Variants in KNDC1 observed in about 807,000 individuals in gnomAD.
The protein encoded by KNDC1 is kinase non-catalytic C-lobe domain containing 1.
In KNDC1, 106 loss-of-function variants were observed where a neutral mutation model predicts 172.8. That is an observed-to-expected ratio of 0.61 (90% CI 0.52 to 0.72). The LOEUF (loss-of-function observed/expected upper bound fraction) is 0.72, where lower values mean the gene tolerates loss of function less well. Ranked by LOEUF, KNDC1 falls within the 30% of genes least tolerant of loss-of-function variation. KNDC1 has a pLI of 0.00. For synonymous variants in KNDC1, 1,083 were observed against 1,062.2 expected, an observed-to-expected ratio of 1.02 and a Z score of -0.38; for missense variants, 2,325 against 2,394.5, an observed-to-expected ratio of 0.97 and a Z score of 0.61.
chr10:133,207,169 C>T lies in KNDC1; in HGVS notation c.3612C>T (p.Pro1204=). The change falls in exon 20 of 30, where the codon CCC becomes CCT. Residue 1204 remains proline (P), a synonymous_variant. Transcript: ENST00000304613. ...ACGCGGAACGCTGGGGCCTGGAGCC[C>T]TGCACCCTCCCAGTGATCGTGAACA... The part of the protein sequence containing the change: ...VMYAERWGLE[P]CTLPVIVNIA... 1 of 1,605,476 alleles carries T rather than the reference C, an allele frequency of 6.2e-7. No homozygotes were observed. Among genetic ancestry groups the T allele is most frequent in the Non-Finnish European group, 8.5e-7 (1 of 1,177,128 alleles).
Position 133,218,830 on chromosome 10 carries a change from G to C in KNDC1, c.4678-1G>C. The C allele has an allele frequency of 6.2e-7, 1 of 1,610,410 alleles. No homozygotes were observed. Among genetic ancestry groups the C allele is most frequent in the Non-Finnish European group, 8.5e-7 (1 of 1,177,060 alleles). On this transcript the variant is annotated splice_acceptor_variant, in intron 26 of 29. Coordinates refer to ENST00000304613, the MANE Select transcript of KNDC1 (RefSeq NM_152643.8). LOFTEE classifies it high-confidence loss of function. The stretch of plus-strand genomic sequence containing the variant: ...CTGAATGTGTCATTTTCTTATTGCA[G>C]CTGCAGGTGAACTTGCTGTCCAAAT...
intron 9 of KNDC1, among the ~76,000 whole-genome samples, chr10:133,194,548 A>G (rs1475907814): frequency 6.6e-6 from 1 of 152,236 alleles, no homozygotes; most frequent in African/African-American, 2.4e-5. Context: ...TAATTTTTTA[A>G]AAGTGTAACA....
At chr10:133,198,315 C>T (rs777161069) in intron 12 of KNDC1, 22 bp from the exon 13 acceptor site, 1 of 1,545,648 alleles carries the variant, frequency 6.5e-7, no homozygotes, top group Non-Finnish European at 8.7e-7. Context: ...CCGCCCACAC[C>T]CTCAGCCCCC....
chr10:133,191,058 G>T (rs1223305266), intron 9 of KNDC1, among the ~76,000 whole-genome samples: 1 of 152,250 alleles, frequency 6.6e-6, no homozygotes, highest in Non-Finnish European at 1.5e-5. Context: ...GCCCCAACTG[G>T]CCGGGCATGG....
chr10:133,197,857 G>A (rs1188705623), intron 12 of KNDC1, 89 bp downstream of exon 12: 16 of 1,058,980 alleles, frequency 1.5e-5, no homozygotes, highest in African/African-American at 3.1e-5. Flanking sequence ...GACACAGCCG[G>A]GCACCTCTCG....
chr10:133,207,801 T>C (rs1449621808), intron 20 of KNDC1, among the ~76,000 whole-genome samples: 2 of 152,222 alleles, frequency 1.3e-5, no homozygotes, highest in African/African-American at 4.8e-5. Flanking sequence ...AGGAGACCCC[T>C]GATCCGTAAA....
In KNDC1 at chr10:133,201,610, G is replaced by A; in HGVS notation, c.3099G>A (p.Gly1033=). 1 of 1,613,156 alleles carries A rather than the reference G, an allele frequency of 6.2e-7. No individual in the cohort carries two copies. The highest frequency in any genetic ancestry group is 1.1e-5 in the South Asian group (1 of 91,084). ...TGTCACGGGGAAACTTCGAGGTGGG[G>A]TTTCGGCCTCAGAGGTCCGTAAAAG... ...DALSRGNFEV[G]FRPQRSVKAE... The change falls in exon 17 of 30, where the codon GGG becomes GGA. Residue 1033 remains glycine, a synonymous_variant. Coordinates refer to ENST00000304613, the MANE Select transcript of KNDC1 (RefSeq NM_152643.8).
chr10:133,205,029 G>GAATCACCACCCTCCTCACCCCCAA (rs1845148770), intron 17 of KNDC1, among the ~76,000 whole-genome samples: 1 of 151,922 alleles, frequency 6.6e-6, no homozygotes, highest in African/African-American at 2.4e-5. Flanking sequence ...CTCACCCCCA[G>GAATCACCACCCTCCTCACCCCCAA]AATCACCACC....
Position 133,207,187 on chromosome 10 carries a change from C to G in KNDC1, c.3630C>G (p.Ile1210Met). 1.2e-6 allele frequency: 2 copies of G among 1,609,778 alleles called. No individual in the cohort carries two copies. The highest frequency in any genetic ancestry group is 1.7e-6 in the Non-Finnish European group (2 of 1,178,990). Reference sequence around the variant, plus strand: ...TGGAGCCCTGCACCCTCCCAGTGATCGTGAACATCGCGGCCGCACCCTGCG... The same window carrying G: ...TGGAGCCCTGCACCCTCCCAGTGATGGTGAACATCGCGGCCGCACCCTGCG... ...WGLEPCTLPV[I>M]VNIAAAPCDT... is the part of the protein sequence containing the mutation. Residue 1210 changes from isoleucine (I) to methionine (M), a missense_variant, in exon 20 of 30, where the codon ATC becomes ATG. By Grantham distance (10) the Ile-to-Met change is conservative. Coordinates refer to ENST00000304613, the MANE Select transcript of KNDC1 (RefSeq NM_152643.8).
chr10:133,171,843 T>C (rs1853387182), intron 3 of KNDC1, among the ~76,000 whole-genome samples: 1 of 152,064 alleles, frequency 6.6e-6, no homozygotes, highest in Admixed American at 6.6e-5. Flanking sequence ...CTTGAACTCC[T>C]GGGCTCAAGT....
rs1241859579 is a variant in KNDC1, at chr10:133,224,927, TCCG to T, written c.*38_*40del. The stretch of plus-strand genomic sequence containing the variant: ...CCTGGTGTGGAATTCCAGATCCGAA[TCCG>T]ACTGTGGGGGGCGGGCTGGGAGGTG... On this transcript the variant is annotated 3_prime_UTR_variant, in exon 30 of 30. Coordinates refer to ENST00000304613, the MANE Select transcript of KNDC1 (RefSeq NM_152643.8). The surrounding 1 kb of genome is among the most constrained non-coding windows in gnomAD (Gnocchi z 5.4). 2.6e-6 allele frequency: 4 copies of T among 1,532,812 alleles called. No homozygotes were observed. The African/African-American group carries it at 4.1e-5, about 16-fold the overall frequency. The allele number at this position is 1,532,812 out of a possible 1,614,324, so 95.0% of individuals were successfully genotyped here.
chr10:133,224,547 C>A lies in KNDC1; in HGVS notation c.5019-112C>A. On this transcript the variant is annotated intron_variant, in intron 29 of 29. Transcript: ENST00000304613. This position sits in a 1 kb window ranked among gnomAD's most constrained non-coding sequence, Gnocchi z 5.4. ...GACAACCCACCCTTCAGAATTTACACGGTGAAAAGATTTAGTCCAAATGAT... is the reference window on the plus strand; with the variant it reads ...GACAACCCACCCTTCAGAATTTACAAGGTGAAAAGATTTAGTCCAAATGAT... 2.7e-6 allele frequency: 2 copies of A among 743,418 alleles called. No individual in the cohort carries two copies. The highest frequency in any genetic ancestry group is 4.5e-6 in the Non-Finnish European group (2 of 448,698). The allele number at this position is 743,418 out of a possible 1,614,324, so 46.1% of individuals were successfully genotyped here.
chr10:133,162,705 G>A (rs971904450), intron 1 of KNDC1, among the ~76,000 whole-genome samples: 4 of 152,264 alleles, frequency 2.6e-5, no homozygotes, highest in African/African-American at 9.6e-5. Context: ...GCGGACAGCG[G>A]CTTGTGCTGG....
At position 133,183,918 on chromosome 10, in the gene KNDC1, G is replaced by A. The variant is rs762324594; in HGVS notation, c.554G>A (p.Cys185Tyr). Residue 185 changes from cysteine (C) to tyrosine (Y), a missense_variant, in exon 5 of 30, where the codon TGT becomes TAT. Cys to Tyr is a radical substitution (Grantham distance 194). Coordinates refer to ENST00000304613, the MANE Select transcript of KNDC1 (RefSeq NM_152643.8). ...CEEKLQLTSS[C>Y]RVCRSLSAVG... ...GAGAAGCTGCAGCTCACATCCTCCT[G>A]TCGCGTGTGCCGGAGCCTCTCTGCT... is the stretch of plus-strand genomic sequence containing the variant. 8 of 1,604,264 alleles carry A rather than the reference G, an allele frequency of 5.0e-6. No homozygotes were observed. Among genetic ancestry groups the A allele is most frequent in the Non-Finnish European group, 6.8e-6 (8 of 1,172,710 alleles).
rs79946219 is a variant in KNDC1 at position 133,224,548 on chromosome 10, G to A, written c.5019-111G>A. 917 of 749,748 alleles carry A rather than the reference G, an allele frequency of 1.2e-3. 10 individuals are homozygous for A. The East Asian group carries it at 0.023, about 19-fold the overall frequency. The allele number at this position is 749,748 out of a possible 1,614,324, so 46.4% of individuals were successfully genotyped here. A position where few individuals can be genotyped will look rare whatever the true frequency, so the allele number is the denominator to read the frequency against. ...ACAACCCACCCTTCAGAATTTACAC[G>A]GTGAAAAGATTTAGTCCAAATGATT... On this transcript the variant is annotated intron_variant, in intron 29 of 29. Coordinates refer to ENST00000304613, the MANE Select transcript of KNDC1 (RefSeq NM_152643.8). This position sits in a 1 kb window ranked among gnomAD's most constrained non-coding sequence, Gnocchi z 5.4.
In KNDC1 at chr10:133,222,709, C is replaced by T. The variant is rs1249176993; in HGVS notation, c.5019-1950C>T. On this transcript the variant is annotated intron_variant, in intron 29 of 29. Coordinates refer to ENST00000304613, the MANE Select transcript of KNDC1 (RefSeq NM_152643.8). ...TGAGAGCCCATCCAGGCATGCTCTT[C>T]CCGGCGTGTGTGTGCATGAGAGCCC... 1.1e-4 allele frequency among the ~76,000 whole-genome samples: 2 copies of T among 18,126 alleles called. 1 individual carries two copies. The highest frequency in any genetic ancestry group is 3.1e-4 in the Non-Finnish European group (2 of 6,498). The allele number at this position is 18,126 out of a possible 152,430, so 11.9% of individuals were successfully genotyped here. A position where few individuals can be genotyped will look rare whatever the true frequency, so the allele number is the denominator to read the frequency against.
At chr10:133,188,335 CAGGGCCA>C (rs1393563347) in intron 6 of KNDC1, among the ~76,000 whole-genome samples, 197 bp from the exon 7 acceptor site, 1 of 152,192 alleles carries the variant, frequency 6.6e-6, no homozygotes, top group East Asian at 1.9e-4. Context: ...TTCCCACCCA[CAGGGCCA>C]AGGGCCCCAG....
intron 20 of KNDC1, among the ~76,000 whole-genome samples, chr10:133,207,894 C>T (rs1441959099): frequency 1.3e-5 from 2 of 152,216 alleles, no homozygotes; most frequent in Non-Finnish European, 2.9e-5. Context: ...GCCAGACCCC[C>T]GGCCGCCCCA....
At position 133,180,580 on chromosome 10, in the gene KNDC1, T is replaced by G. The variant is rs3810966; in HGVS notation, c.361-2764T>G. Among the ~76,000 whole-genome samples the G allele has an allele frequency of 1.8e-4, 27 of 152,362 alleles. 2 individuals are homozygous for G. In the East Asian group the frequency reaches 5.2e-3, roughly 29 times the overall value. On this transcript the variant is annotated intron_variant, in intron 3 of 29. Coordinates refer to ENST00000304613, the MANE Select transcript of KNDC1 (RefSeq NM_152643.8). ...ACAAAGGAAAGCTGTCCCTGTAGCC[T>G]CGGGGTGGAGAACATCCTCCTGCAA... is the stretch of plus-strand genomic sequence containing the variant.
Sources: allele counts gnomAD v4.1 joint callset (sites outside exome capture counted in the v4.1 genomes callset), GRCh38; gene constraint gnomAD v4.1.1; non-coding constraint Gnocchi (gnomAD v3.1); transcripts MANE v1.5; gene names NCBI Gene and HGNC (gene_info 2026-07-23, HGNC 2026-07-21).